Variants in AKT3 observed in about 807,000 individuals in gnomAD.
AKT3 encodes the protein RAC-gamma serine/threonine-protein kinase.
Under a neutral mutation model 65.3 loss-of-function variants are expected in AKT3, and 15 were observed. The ratio of observed to expected loss-of-function variants is 0.23; its 90% CI spans 0.15 to 0.35. The LOEUF is 0.35. Among genes scored for constraint, AKT3 ranks in the 10% least tolerant of loss-of-function variants. The pLI is 1.00. For missense variants in AKT3, 243 were observed against 576.5 expected (o/e 0.42, Z 5.92); for synonymous variants, 206 against 183.8 (o/e 1.12, Z -0.98).
At position 243,647,194 on chromosome 1, in the gene AKT3, C is replaced by T. The variant is rs530142074; in HGVS notation, c.285-1157G>A. Among the ~76,000 whole-genome samples the T allele has an allele frequency of 8.5e-5, 13 of 152,316 alleles. No individual in the cohort carries two copies. The South Asian group carries it at 2.5e-3, about 29-fold the overall frequency. ...GAATTTATTCCTACATACAATCATG[C>T]ACCACATAACAATGTTTCAGTCAAT... On this transcript the variant is annotated intron_variant, in intron 4 of 13. Coordinates refer to ENST00000673466, the MANE Select transcript of AKT3 (RefSeq NM_005465.7).
In AKT3 at chr1:243,500,018, A is replaced by AGTT. The variant is rs1306228365; in HGVS notation, c.*5228_*5230dup. The AGTT allele has an allele frequency of 8.6e-6, 5 of 583,948 alleles. No homozygotes were observed. Among genetic ancestry groups the AGTT allele is most frequent in the East Asian group, 5.6e-5 (2 of 35,956 alleles). The allele number at this position is 583,948 out of a possible 1,614,324, so 36.2% of individuals were successfully genotyped here. A position where few individuals can be genotyped will look rare whatever the true frequency, so the allele number is the denominator to read the frequency against. ...GTGTATGTTTTCAGAAATGGCTTGA[A>AGTT]GTTATGTGTTTAAATCTGCTCATTC... On this transcript the variant is annotated 3_prime_UTR_variant, in exon 14 of 14. Coordinates refer to ENST00000673466, the MANE Select transcript of AKT3 (RefSeq NM_005465.7).
chr1:243,738,610 A>T (rs575597837), intron 2 of AKT3, among the ~76,000 whole-genome samples: 3 of 152,230 alleles, frequency 2.0e-5, no homozygotes, highest in Non-Finnish European at 4.4e-5. Context: ...TTATGTGCTC[A>T]AAAGTATACA....
At chr1:243,564,681 T>A (rs1298816250) in intron 9 of AKT3, among the ~76,000 whole-genome samples, 5 of 152,136 alleles carry the variant, frequency 3.3e-5, no homozygotes, top group Admixed American at 3.3e-4. Context: ...CAAACAAAGA[T>A]ACAGATGAGT....
At chr1:243,580,561 G>C (rs982110402) in intron 8 of AKT3, among the ~76,000 whole-genome samples, 33 of 152,188 alleles carry the variant, frequency 2.2e-4, no homozygotes, top group Non-Finnish European at 5.9e-5. Context: ...TGGGATAGGG[G>C]CTTCACAGTC....
At chr1:243,609,520 T>G (rs1677707042) in intron 8 of AKT3, among the ~76,000 whole-genome samples, 1 of 152,078 alleles carries the variant, frequency 6.6e-6, no homozygotes. Context: ...TAGCCAAGTG[T>G]GGTGGTGCAC....
intron 2 of AKT3, among the ~76,000 whole-genome samples, chr1:243,801,784 T>C (rs1195909665): frequency 6.6e-6 from 1 of 152,196 alleles, no homozygotes; most frequent in African/African-American, 2.4e-5. Context: ...AGTCTTATAG[T>C]AGTGACCTGC....
chr1:243,613,609 G>C, intron 8 of AKT3, 62 bp downstream of exon 8: 1 of 1,263,126 alleles, frequency 7.9e-7, no homozygotes, highest in South Asian at 1.6e-5. Context: ...TGTATTTTAA[G>C]TAATGTTTTT....
intron 6 of AKT3, among the ~76,000 whole-genome samples, chr1:243,630,687 C>T (rs533391524): frequency 1.3e-5 from 2 of 152,212 alleles, no homozygotes; most frequent in South Asian, 4.2e-4. Flanking sequence ...AAAATTATAA[C>T]ATGCTTTCAG....
chr1:243,505,436 AG>A, intron 13 of AKT3, 102 bp from the exon 14 acceptor site: 2 of 910,622 alleles, frequency 2.2e-6, no homozygotes, highest in Non-Finnish European at 3.5e-6. Context: ...AGATGAACAG[AG>A]GCAATAGCTC....
chr1:243,748,794 A>G (rs1171977356), intron 2 of AKT3, among the ~76,000 whole-genome samples: 1 of 152,184 alleles, frequency 6.6e-6, no homozygotes, highest in Admixed American at 6.5e-5. Context: ...ATAGGCTATT[A>G]AAAATTGCCT....
intron 12 of AKT3, among the ~76,000 whole-genome samples, chr1:243,526,324 A>G (rs755442062): frequency 6.6e-6 from 1 of 152,150 alleles, no homozygotes; most frequent in Non-Finnish European, 1.5e-5. Flanking sequence ...TGGGACTTTC[A>G]TCATGGAGCT....
intron 2 of AKT3, among the ~76,000 whole-genome samples, chr1:243,772,371 G>T (rs967693999): frequency 5.3e-5 from 8 of 152,014 alleles, no homozygotes; most frequent in African/African-American, 1.7e-4. Flanking sequence ...AAAAAAACAG[G>T]CAAAGGATAT....
At chr1:243,531,991 A>G (rs1403712394) in intron 12 of AKT3, among the ~76,000 whole-genome samples, 1 of 152,190 alleles carries the variant, frequency 6.6e-6, no homozygotes, top group Non-Finnish European at 1.5e-5. Context: ...TATTAGTTCT[A>G]AGCACAAGTG....
At chr1:243,562,348 G>A (rs1558616859) in intron 10 of AKT3, among the ~76,000 whole-genome samples, 1 of 152,138 alleles carries the variant, frequency 6.6e-6, no homozygotes, top group Non-Finnish European at 1.5e-5. Context: ...AACGGGTATG[G>A]GGTTTCTTGC....
Position 243,613,714 on chromosome 1 carries a change from T to G in AKT3, c.653A>C (p.Lys218Thr). Residue 218 changes from lysine to threonine, a missense_variant, in exon 8 of 14, where the codon AAA (lysine) becomes ACA (threonine). Physicochemically the swap from Lys to Thr is moderately conservative, Grantham distance 78 (BLOSUM62 -1). Transcript: ENST00000673466. ...LTSLKYSFQT[K>T]DRLCFVMEYV... is the part of the protein sequence containing the mutation. ...TTCCATCACAAAACACAAACGGTCT[T>G]TTGTCTGGAAGGAATATTTCAAGGA... 1 of 1,590,760 alleles carries G rather than the reference T, an allele frequency of 6.3e-7. No individual in the cohort carries two copies. Among genetic ancestry groups the G allele is most frequent in the Non-Finnish European group, 8.6e-7 (1 of 1,167,350 alleles).
intron 2 of AKT3, among the ~76,000 whole-genome samples, chr1:243,717,685 C>CA (rs1686596666): frequency 6.6e-6 from 1 of 152,102 alleles, no homozygotes; most frequent in Non-Finnish European, 1.5e-5. Flanking sequence ...GGCCACATAT[C>CA]AAAGATGTTA....
chr1:243,507,779 A>G (rs1044149373), intron 13 of AKT3, among the ~76,000 whole-genome samples: 11 of 152,206 alleles, frequency 7.2e-5, no homozygotes, highest in African/African-American at 2.4e-4. Flanking sequence ...AACAAATGGC[A>G]TTATATGGCA....
chr1:243,589,538 G>A (rs1443390385), intron 8 of AKT3, among the ~76,000 whole-genome samples: 3 of 152,120 alleles, frequency 2.0e-5, no homozygotes, highest in Non-Finnish European at 2.9e-5. Flanking sequence ...GATAGCAAGT[G>A]CTGGTGAGGA....
At chr1:243,835,986 A>T (rs1249865468) in intron 2 of AKT3, among the ~76,000 whole-genome samples, 2 of 152,176 alleles carry the variant, frequency 1.3e-5, no homozygotes, top group Non-Finnish European at 2.9e-5. Flanking sequence ...AGGCAAAAAA[A>T]TAGGGAAAAG....
Sources: allele counts gnomAD v4.1 joint callset (sites outside exome capture counted in the v4.1 genomes callset), GRCh38; gene constraint gnomAD v4.1.1; transcripts MANE v1.5; gene names NCBI Gene and HGNC (gene_info 2026-07-23, HGNC 2026-07-21).